KCNMA1: variants seen among roughly 807,000 people sequenced by gnomAD.
KCNMA1 encodes potassium calcium-activated channel subfamily M alpha 1, also known as Calcium-activated potassium channel subunit alpha-1.
A neutral mutation model predicts 140.0 loss-of-function variants in KCNMA1; 29 were observed. The observed-to-expected ratio is 0.21, with a 90% confidence interval of 0.15 to 0.28. KCNMA1 has a LOEUF of 0.28. Among genes scored for constraint, KCNMA1 ranks in the 10% least tolerant of loss-of-function variants. The probability of loss-of-function intolerance (pLI) is 1.00; values close to 1 mark genes in which losing one functional copy is unlikely to be tolerated. For synonymous variants in KCNMA1, 612 were observed against 611.9 expected, an observed-to-expected ratio of 1.00 and a Z score of 0.00; for missense variants, 880 against 1,602.2, an observed-to-expected ratio of 0.55 and a Z score of 7.70.
intron 1 of KCNMA1, among the ~76,000 whole-genome samples, chr10:77,532,882 C>A (rs999252681): frequency 1.3e-5 from 2 of 152,154 alleles, no homozygotes; most frequent in African/African-American, 4.8e-5. Context: ...TGAGTCCGGG[C>A]TATCCTGATG....
intron 1 of KCNMA1, among the ~76,000 whole-genome samples, chr10:77,497,116 T>C (rs2042236354): frequency 1.3e-5 from 2 of 152,234 alleles, no homozygotes; most frequent in South Asian, 2.1e-4. Flanking sequence ...CTGATCCTAT[T>C]GTGTCCTTCC....
At chr10:77,332,841 T>A (rs1247851815) in intron 2 of KCNMA1, among the ~76,000 whole-genome samples, 5 of 152,188 alleles carry the variant, frequency 3.3e-5, no homozygotes, top group Non-Finnish European at 5.9e-5. Context: ...TTCAGACAAA[T>A]GCAGAGAAAC....
intron 15 of KCNMA1, among the ~76,000 whole-genome samples, chr10:77,031,916 G>T (rs976455130): frequency 6.6e-6 from 1 of 152,206 alleles, no homozygotes; most frequent in African/African-American, 2.4e-5. Flanking sequence ...ACTGGCTGGA[G>T]GGATGGAGAA....
intron 2 of KCNMA1, among the ~76,000 whole-genome samples, chr10:77,330,570 C>T (rs991028541): frequency 3.9e-5 from 6 of 152,206 alleles, no homozygotes; most frequent in Non-Finnish European, 5.9e-5. Context: ...TACTGCTATG[C>T]ACCTTGGTTC....
intron 18 of KCNMA1, among the ~76,000 whole-genome samples, chr10:77,004,868 G>T (rs1238191400): frequency 6.6e-6 from 1 of 152,090 alleles, no homozygotes; most frequent in Non-Finnish European, 1.5e-5. Context: ...AGGTTAGAAG[G>T]TTAATTTTAG....
Position 76,885,914 on chromosome 10 carries a change from C to T in KCNMA1, c.*1352G>A. 1.0e-6 allele frequency: 1 copy of T among 985,390 alleles called. No homozygotes were observed. Among genetic ancestry groups the T allele is most frequent in the Non-Finnish European group, 1.2e-6 (1 of 829,928 alleles). 61.0% of individuals were successfully genotyped at this position (985,390 alleles called of 1,614,324 possible). A position where few individuals can be genotyped will look rare whatever the true frequency, so the allele number is the denominator to read the frequency against. On this transcript the variant is annotated 3_prime_UTR_variant, in exon 28 of 28. Transcript: ENST00000286628. ...GCTCACTGTTGCACTCTTCTTATCC[C>T]ACGTCTCATAATGACAAGGAGCAGC...
At chr10:77,078,222 T>G (rs773756533) in intron 13 of KCNMA1, 1 of 152,262 alleles carries the variant, frequency 6.6e-6, no homozygotes, top group Admixed American at 6.5e-5. Context: ...CAGCGAGTTA[T>G]TCTGTACAGA....
At chr10:77,499,856 G>C (rs2043241350) in intron 1 of KCNMA1, among the ~76,000 whole-genome samples, 1 of 151,960 alleles carries the variant, frequency 6.6e-6, no homozygotes, top group Non-Finnish European at 1.5e-5. Context: ...AAAATTTATT[G>C]GAAGAGAAGA....
At chr10:77,011,522 A>G (rs2090742510) in intron 18 of KCNMA1, among the ~76,000 whole-genome samples, 2 of 152,180 alleles carry the variant, frequency 1.3e-5, no homozygotes, top group African/African-American at 4.8e-5. Flanking sequence ...GGAATTCCAA[A>G]TGGAAAGAGT....
At chr10:77,509,439 T>C (rs1017385421) in intron 1 of KCNMA1, among the ~76,000 whole-genome samples, 7 of 147,552 alleles carry the variant, frequency 4.7e-5, no homozygotes, top group African/African-American at 1.7e-4. Flanking sequence ...TTATTGTGAA[T>C]AATGCTGTTA....
chr10:77,039,275 A>G (rs1432256861), intron 15 of KCNMA1: 10 of 569,504 alleles, frequency 1.8e-5, no homozygotes, highest in Non-Finnish European at 2.8e-5. Flanking sequence ...TGTAGTTCAT[A>G]AGTTAGCATA....
At chr10:77,252,773 T>C (rs377367383) in intron 2 of KCNMA1, among the ~76,000 whole-genome samples, 22 of 152,084 alleles carry the variant, frequency 1.4e-4, no homozygotes, top group East Asian at 5.8e-4. Context: ...TTAAAAACAA[T>C]TGGACACTGT....
chr10:77,555,057 T>TACGCACACACAC (rs2063891975), intron 1 of KCNMA1, among the ~76,000 whole-genome samples: 1 of 151,428 alleles, frequency 6.6e-6, no homozygotes, highest in Non-Finnish European at 1.5e-5. Context: ...TCTTACCACA[T>TACGCACACACAC]ACACACACGC....
chr10:77,313,998 AAATGAAATGAGAATGG>A (rs1565914918), intron 2 of KCNMA1: 3 of 152,212 alleles, frequency 2.0e-5, no homozygotes, highest in Non-Finnish European at 4.4e-5. Context: ...GTCATTTTAT[AAATGAAATGAGAATGG>A]AATGAAATGA....
At chr10:77,045,056 C>T (rs138934181) in intron 14 of KCNMA1, among the ~76,000 whole-genome samples, 231 of 152,312 alleles carry the variant, frequency 1.5e-3, no homozygotes, top group African/African-American at 5.2e-3. Flanking sequence ...GCTGAAAGGG[C>T]GGTTCAAGCC....
At chr10:77,058,237 T>C (rs914959318) in intron 14 of KCNMA1, among the ~76,000 whole-genome samples, 18 of 151,936 alleles carry the variant, frequency 1.2e-4, no homozygotes, top group African/African-American at 4.3e-4. Context: ...CTAAAGTATA[T>C]GCACTTAACA....
intron 1 of KCNMA1, among the ~76,000 whole-genome samples, chr10:77,521,108 A>G (rs1429048743): frequency 6.6e-6 from 1 of 152,216 alleles, no homozygotes; most frequent in Non-Finnish European, 1.5e-5. Flanking sequence ...ACAGATGAGA[A>G]AGAACCATAA....
At chr10:77,203,805 A>G (rs959550121) in intron 3 of KCNMA1, among the ~76,000 whole-genome samples, 4 of 152,140 alleles carry the variant, frequency 2.6e-5, no homozygotes, top group African/African-American at 4.8e-5. Context: ...CCAATTCAGA[A>G]CTTAAATTAG....
At chr10:77,195,189 G>A (rs1018914858) in intron 3 of KCNMA1, among the ~76,000 whole-genome samples, 48 of 152,106 alleles carry the variant, frequency 3.2e-4, no homozygotes, top group African/African-American at 1.0e-3. Flanking sequence ...TCTTAGCTCC[G>A]TCTTTGGCTG....
Sources: gnomAD v4.1 joint callset for allele counts (sites outside exome capture counted in the v4.1 genomes callset) on GRCh38, gnomAD v4.1.1 for gene constraint, MANE v1.5 for transcripts, NCBI Gene and HGNC (gene_info 2026-07-23, HGNC 2026-07-21) for gene names.